PDZRN3: variants seen among roughly 807,000 people sequenced by gnomAD.
The protein encoded by PDZRN3 is PDZ domain containing ring finger 3.
PDZRN3 carries 38 observed loss-of-function variants against 85.7 expected under a neutral mutation model. The ratio of observed to expected loss-of-function variants is 0.44; its 90% CI spans 0.34 to 0.58. PDZRN3 has a LOEUF of 0.58. Among genes scored for constraint, PDZRN3 ranks in the 20% least tolerant of loss-of-function variants. The probability of loss-of-function intolerance (pLI) is 0.01; values close to 1 mark genes in which losing one functional copy is unlikely to be tolerated. For missense variants in PDZRN3, 1,629 were observed against 1,506.4 expected, an observed-to-expected ratio of 1.08 and a Z score of -1.35; for synonymous variants, 759 against 638.0, an observed-to-expected ratio of 1.19 and a Z score of -2.86.
chr3:73,389,998 G>T (rs1048325008), intron 6 of PDZRN3, 120 bp from the exon 7 acceptor site: 1 of 771,240 alleles, frequency 1.3e-6, no homozygotes. Flanking sequence ...GTTTTGCACA[G>T]AAATAAACAA....
At chr3:73,609,740 T>C (rs1470035484) in intron 1 of PDZRN3, among the ~76,000 whole-genome samples, 2 of 152,244 alleles carry the variant, frequency 1.3e-5, no homozygotes, top group Non-Finnish European at 2.9e-5. Flanking sequence ...TCTGACATTT[T>C]TGCTTTCTGT....
intron 3 of PDZRN3, among the ~76,000 whole-genome samples, chr3:73,477,089 T>G (rs1175485416): frequency 6.6e-6 from 1 of 152,250 alleles, no homozygotes; most frequent in African/African-American, 2.4e-5. Context: ...TGAACTATCT[T>G]GCTTAATAAT....
intron 3 of PDZRN3, among the ~76,000 whole-genome samples, chr3:73,459,442 A>G (rs1559690879): frequency 6.6e-6 from 1 of 152,144 alleles, no homozygotes; most frequent in African/African-American, 2.4e-5. Context: ...ACATTATTTC[A>G]TCACTCAGGT....
chr3:73,468,899 C>G (rs139823311), intron 3 of PDZRN3, among the ~76,000 whole-genome samples: 1 of 152,228 alleles, frequency 6.6e-6, no homozygotes, highest in Non-Finnish European at 1.5e-5. Context: ...GTACCTCCCT[C>G]AAAGGAGCTA....
intron 3 of PDZRN3, among the ~76,000 whole-genome samples, chr3:73,428,894 G>GT (rs63105360): frequency 0.11 from 16,002 of 148,860 alleles, 1,164 homozygotes; most frequent in African/African-American, 0.21. Flanking sequence ...AGATGGGCTT[G>GT]TTTTTTTTTT....
chr3:73,439,679 T>C (rs566852810), intron 3 of PDZRN3, among the ~76,000 whole-genome samples: 7 of 152,206 alleles, frequency 4.6e-5, no homozygotes, highest in African/African-American at 7.2e-5. Flanking sequence ...TGAGTGCAGT[T>C]TTTGTTTCTG....
intron 3 of PDZRN3, among the ~76,000 whole-genome samples, chr3:73,459,009 G>GA (rs1484390392): frequency 2.2e-5 from 3 of 137,230 alleles, no homozygotes; most frequent in Admixed American, 7.4e-5. Flanking sequence ...AAAAAAAAAA[G>GA]AAAAAAAAGA....
intron 4 of PDZRN3, chr3:73,402,570 T>G (rs1701770735): frequency 6.6e-6 from 1 of 152,274 alleles, no homozygotes; most frequent in African/African-American, 2.4e-5. Context: ...TGAGTGAATG[T>G]GAGACGGATG....
intron 3 of PDZRN3, among the ~76,000 whole-genome samples, chr3:73,442,014 T>G (rs1252103130): frequency 1.3e-5 from 2 of 152,172 alleles, no homozygotes; most frequent in Non-Finnish European, 2.9e-5. Flanking sequence ...GGTAATCTCT[T>G]TGCCCATGTG....
chr3:73,385,259 A>G (rs1456648623), intron 9 of PDZRN3, among the ~76,000 whole-genome samples: 1 of 152,210 alleles, frequency 6.6e-6, no homozygotes, highest in South Asian at 2.1e-4. Flanking sequence ...GTTCAACTCA[A>G]TAAGGACTCA....
intron 3 of PDZRN3, among the ~76,000 whole-genome samples, chr3:73,496,135 T>C (rs978640023): frequency 6.6e-6 from 1 of 151,782 alleles, no homozygotes; most frequent in Non-Finnish European, 1.5e-5. Context: ...ATTTTTAAAG[T>C]GAAATGTATG....
intron 3 of PDZRN3, among the ~76,000 whole-genome samples, chr3:73,522,275 T>C (rs535151533): frequency 1.1e-4 from 17 of 152,320 alleles, no homozygotes; most frequent in African/African-American, 2.9e-4. Flanking sequence ...ACACATGAGA[T>C]AGACATCCAG....
At chr3:73,612,407 A>T (rs757250646) in intron 1 of PDZRN3, among the ~76,000 whole-genome samples, 1 of 152,240 alleles carries the variant, frequency 6.6e-6, no homozygotes, top group Non-Finnish European at 1.5e-5. Flanking sequence ...ATGAAGGATC[A>T]GACAATTAAT....
intron 3 of PDZRN3, among the ~76,000 whole-genome samples, chr3:73,443,480 T>TTTTC (rs1559682541): frequency 9.8e-5 from 2 of 20,346 alleles, no homozygotes; most frequent in African/African-American, 7.2e-4. Flanking sequence ...TTCCTTTTTC[T>TTTTC]TTTTTTTTTT....
chr3:73,385,015 G>A, intron 9 of PDZRN3, 85 bp from the exon 10 acceptor site: 1 of 1,467,222 alleles, frequency 6.8e-7, no homozygotes, highest in Non-Finnish European at 9.2e-7. Flanking sequence ...GCGGTTTCTG[G>A]ATAGGGCAGG....
At chr3:73,486,804 G>A (rs561945441) in intron 3 of PDZRN3, among the ~76,000 whole-genome samples, 4 of 152,268 alleles carry the variant, frequency 2.6e-5, no homozygotes, top group African/African-American at 9.6e-5. Context: ...ACAACTAAAC[G>A]TTATCATCGG....
chr3:73,530,689 GATTT>G (rs1704632323), intron 3 of PDZRN3, among the ~76,000 whole-genome samples: 1 of 151,944 alleles, frequency 6.6e-6, no homozygotes, highest in South Asian at 2.1e-4. Flanking sequence ...AGAAATTTTG[GATTT>G]ATTTCTTAGA....
chr3:73,413,609 T>A (rs1176680804), intron 3 of PDZRN3, among the ~76,000 whole-genome samples: 1 of 151,960 alleles, frequency 6.6e-6, no homozygotes, highest in African/African-American at 2.4e-5. Context: ...GGCTTCGAAA[T>A]GCGTGTTCTA....
At chr3:73,555,323 C>A (rs1253719650) in intron 3 of PDZRN3, among the ~76,000 whole-genome samples, 1 of 152,114 alleles carries the variant, frequency 6.6e-6, no homozygotes, top group African/African-American at 2.4e-5. Flanking sequence ...TCGGAAGAAA[C>A]ACCTTTGTTC....
Sources: allele counts gnomAD v4.1 joint callset (sites outside exome capture counted in the v4.1 genomes callset), GRCh38; gene constraint gnomAD v4.1.1; transcripts MANE v1.5; gene names NCBI Gene and HGNC (gene_info 2026-07-23, HGNC 2026-07-21).